INTU: variants seen among roughly 807,000 people sequenced by gnomAD.
INTU encodes the protein protein inturned.
Under a neutral mutation model 100.5 loss-of-function variants are expected in INTU, and 68 were observed. That is an observed-to-expected ratio of 0.68 (90% confidence interval 0.56 to 0.83). The LOEUF is 0.83. Ranked by LOEUF, INTU falls within the 40% of genes least tolerant of loss-of-function variation. The pLI is 0.00. For synonymous variants in INTU, 357 were observed against 395.7 expected (o/e 0.90, Z 1.16); for missense variants, 1,071 against 1,114.7 (o/e 0.96, Z 0.56).
chr4:127,694,242 T>A (rs1035665652), intron 8 of INTU, among the ~76,000 whole-genome samples: 5 of 152,228 alleles, frequency 3.3e-5, no homozygotes, highest in South Asian at 2.1e-4. Flanking sequence ...CATTTCAATC[T>A]CGCTACTTGT....
intron 2 of INTU, among the ~76,000 whole-genome samples, chr4:127,651,262 C>T (rs1434862211): frequency 1.3e-5 from 2 of 152,138 alleles, no homozygotes; most frequent in Non-Finnish European, 2.9e-5. Context: ...GTTGCCATTG[C>T]TTTTGGTGTT....
rs1178492982 is a variant in INTU at position 127,708,621 on chromosome 4, GA to G, written c.2327del (p.Lys776ArgfsTer8). The G allele has an allele frequency of 4.4e-6, 7 of 1,599,064 alleles. No homozygotes were observed. Among genetic ancestry groups the G allele is most frequent in the Non-Finnish European group, 6.0e-6 (7 of 1,169,702 alleles). On this transcript the variant is annotated frameshift_variant, in exon 13 of 16. Coordinates refer to ENST00000335251, the MANE Select transcript of INTU (RefSeq NM_015693.4). LOFTEE classifies it high-confidence loss of function. ...LPNPFHLGNLKKDLPEKELEI... is the reference protein window; with the variant it reads ...LPNPFHLGNLXKDLPEKELEI... Reference sequence around the variant, plus strand: ...CAAATCCATTTCATTTGGGAAACTTGAAAAAGGACCTTCCAGAAAAAGAATT... The same window carrying G: ...CAAATCCATTTCATTTGGGAAACTTGAAAAGGACCTTCCAGAAAAAGAATT...
rs1030127478 is a variant in INTU at position 127,726,224 on chromosome 4, T to G, written c.*9788T>G. Reference sequence around the variant, plus strand: ...GTACCTAGTAAGGGAATGTTTCTTATTTGTGCCAAGGGACTATTGATGATG... The same window carrying G: ...GTACCTAGTAAGGGAATGTTTCTTAGTTGTGCCAAGGGACTATTGATGATG... On this transcript the variant is annotated 3_prime_UTR_variant, in exon 16 of 16. Coordinates refer to ENST00000335251, the MANE Select transcript of INTU (RefSeq NM_015693.4). The G allele has an allele frequency of 1.3e-5, 2 of 152,206 alleles. No homozygotes were observed. The highest frequency in any genetic ancestry group is 6.5e-5 in the Admixed American group (1 of 15,272). 9.4% of individuals were successfully genotyped at this position (152,206 alleles called of 1,614,324 possible).
intron 10 of INTU, among the ~76,000 whole-genome samples, chr4:127,704,871 A>C (rs1486553416): frequency 6.6e-6 from 1 of 151,966 alleles, no homozygotes; most frequent in Non-Finnish European, 1.5e-5. Flanking sequence ...GCAGAACACC[A>C]GAGGTCAGGA....
chr4:127,676,385 A>G (rs935324661), intron 6 of INTU, among the ~76,000 whole-genome samples: 1 of 152,092 alleles, frequency 6.6e-6, no homozygotes, highest in Non-Finnish European at 1.5e-5. Context: ...CAGGAGTTCA[A>G]GACCAGCCTA....
chr4:127,705,887 G>A (rs1730859998), intron 11 of INTU, 75 bp downstream of exon 11: 2 of 1,112,846 alleles, frequency 1.8e-6, no homozygotes, highest in Non-Finnish European at 2.7e-6. Context: ...AGGGGTTGAG[G>A]GATGCAGCGG....
chr4:127,696,477 CA>C (rs1442823595), intron 8 of INTU, among the ~76,000 whole-genome samples: 1 of 152,022 alleles, frequency 6.6e-6, no homozygotes, highest in Admixed American at 6.6e-5. Flanking sequence ...GGGTTGTTTA[CA>C]GTATTCTTCT....
At chr4:127,675,592 A>G (rs1307324598) in intron 6 of INTU, among the ~76,000 whole-genome samples, 2 of 152,130 alleles carry the variant, frequency 1.3e-5, no homozygotes, top group African/African-American at 4.8e-5. Context: ...TTCTGCCTCA[A>G]GGTCTTTTCT....
intron 6 of INTU, among the ~76,000 whole-genome samples, chr4:127,674,541 G>GT (rs1729084945): frequency 6.6e-6 from 1 of 152,128 alleles, no homozygotes; most frequent in Admixed American, 6.5e-5. Context: ...CACATTTACA[G>GT]TTTTTTACTG....
intron 6 of INTU, among the ~76,000 whole-genome samples, chr4:127,678,121 C>G (rs1439242599): frequency 6.6e-6 from 1 of 152,202 alleles, no homozygotes; most frequent in Non-Finnish European, 1.5e-5. Flanking sequence ...AAATCTACGT[C>G]TGATTGGTGT....
rs80342004 is a variant in INTU at position 127,633,670 on chromosome 4, C to G, written c.146+490C>G. Among the ~76,000 whole-genome samples the G allele has an allele frequency of 4.1e-3, 626 of 152,158 alleles. 2 individuals are homozygous for G. Among genetic ancestry groups the G allele is most frequent in the South Asian group, 0.014 (66 of 4,820 alleles). On this transcript the variant is annotated intron_variant, in intron 1 of 15. Transcript: ENST00000335251. Reference sequence around the variant, plus strand: ...GCTATATAACAGAAGGAACGCCCACCCATAGTCTCACCATCAAGGACAACC... The same window carrying G: ...GCTATATAACAGAAGGAACGCCCACGCATAGTCTCACCATCAAGGACAACC...
At chr4:127,649,485 T>C (rs1190220488) in intron 2 of INTU, among the ~76,000 whole-genome samples, 3 of 152,050 alleles carry the variant, frequency 2.0e-5, no homozygotes, top group Non-Finnish European at 2.9e-5. Context: ...TTCTTCAAAA[T>C]ACCTGGGACC....
intron 3 of INTU, among the ~76,000 whole-genome samples, chr4:127,661,999 G>A (rs1431612916): frequency 6.6e-6 from 1 of 151,972 alleles, no homozygotes; most frequent in Non-Finnish European, 1.5e-5. Context: ...AAGGTGGTAG[G>A]TACCTCATTT....
chr4:127,668,285 T>G (rs532806736), intron 4 of INTU, among the ~76,000 whole-genome samples: 1 of 151,984 alleles, frequency 6.6e-6, no homozygotes, highest in Non-Finnish European at 1.5e-5. Context: ...GTAAAAACTA[T>G]CTGTTTCCCG....
At chr4:127,693,238 A>G (rs1178318861) in intron 8 of INTU, among the ~76,000 whole-genome samples, 1 of 151,848 alleles carries the variant, frequency 6.6e-6, no homozygotes. Flanking sequence ...ATTTGTTGGT[A>G]TTGTCTATGA....
chr4:127,647,646 G>C (rs141647238), intron 2 of INTU, among the ~76,000 whole-genome samples: 3 of 152,196 alleles, frequency 2.0e-5, no homozygotes, highest in East Asian at 3.9e-4. Context: ...CAATTATGCT[G>C]CCTACCTCAG....
intron 6 of INTU, among the ~76,000 whole-genome samples, chr4:127,680,035 C>T (rs1475029886): frequency 2.0e-5 from 3 of 151,898 alleles, no homozygotes; most frequent in African/African-American, 4.8e-5. Context: ...ACACATACAC[C>T]CTCCCAAGAC....
chr4:127,692,044 G>T (rs564604922), intron 8 of INTU, among the ~76,000 whole-genome samples: 2 of 148,296 alleles, frequency 1.3e-5, no homozygotes, highest in African/African-American at 5.0e-5. Context: ...TTGTAATTGC[G>T]AATTGTGCTG....
intron 1 of INTU, among the ~76,000 whole-genome samples, chr4:127,640,767 A>G (rs1262983867): frequency 2.0e-5 from 3 of 151,442 alleles, no homozygotes; most frequent in Non-Finnish European, 4.4e-5. Flanking sequence ...GAGAAATTAT[A>G]TATGTACTTT....
Sources: allele counts gnomAD v4.1 joint callset (sites outside exome capture counted in the v4.1 genomes callset), GRCh38; gene constraint gnomAD v4.1.1; transcripts MANE v1.5; gene names NCBI Gene and HGNC (gene_info 2026-07-23, HGNC 2026-07-21).